RIGI: variants seen among roughly 807,000 people sequenced by gnomAD.
RIGI encodes RNA sensor RIG-I.
chr9:32,480,192 G>A, the RIGI span: 17 of 1,573,768 alleles, frequency 1.1e-5, no homozygotes, highest in Non-Finnish European at 1.5e-5. Flanking sequence ...TGCTACTGTG[G>A]CTTCCTCCTC....
the RIGI span, chr9:32,477,037 G>C: frequency 2.5e-6 from 4 of 1,614,070 alleles, no homozygotes; most frequent in Non-Finnish European, 3.4e-6. Flanking sequence ...CTGGGTTTAA[G>C]TGGTACTCTT....
chr9:32,502,802 A>C, the RIGI span, among the ~76,000 whole-genome samples: 3 of 151,880 alleles, frequency 2.0e-5, no homozygotes, highest in Admixed American at 6.6e-5. Context: ...CATCACTCCA[A>C]TCTCTGCCTA....
the RIGI span, among the ~76,000 whole-genome samples, chr9:32,497,131 G>A: frequency 6.6e-5 from 10 of 152,116 alleles, no homozygotes; most frequent in African/African-American, 9.7e-5. Flanking sequence ...TCTGCAGTTC[G>A]CTTTTGGTAG....
the RIGI span, among the ~76,000 whole-genome samples, chr9:32,462,254 T>A: frequency 2.6e-5 from 4 of 152,162 alleles, no homozygotes; most frequent in Admixed American, 1.3e-4. Context: ...GTGTTCTACA[T>A]GCATGAGCTA....
chr9:32,477,217 T>C, the RIGI span: 2 of 1,492,372 alleles, frequency 1.3e-6, no homozygotes, highest in African/African-American at 2.8e-5. Context: ...TTCAAACAGC[T>C]GATCTCTAAA....
chr9:32,500,931 G>A, the RIGI span: 1 of 1,613,496 alleles, frequency 6.2e-7, no homozygotes, highest in Non-Finnish European at 8.5e-7. Flanking sequence ...TGAATATACT[G>A]CACCTCTTCT....
chr9:32,467,818 T>C, the RIGI span: 5 of 1,612,776 alleles, frequency 3.1e-6, no homozygotes, highest in Admixed American at 1.7e-5. Flanking sequence ...GATGACAAGA[T>C]TGCACTGTGC....
At chr9:32,498,798 T>A in the RIGI span, among the ~76,000 whole-genome samples, 1 of 151,838 alleles carries the variant, frequency 6.6e-6, no homozygotes. Context: ...ACCTGACCAA[T>A]GTGGCAAAAC....
At chr9:32,489,198 A>T in the RIGI span, 1 of 555,526 alleles carries the variant, frequency 1.8e-6, no homozygotes, top group Non-Finnish European at 3.1e-6. Context: ...CCCATAAAAA[A>T]CATTAGGATT....
the RIGI span, among the ~76,000 whole-genome samples, chr9:32,508,239 A>ATTTTTTTTTTT: frequency 3.7e-3 from 262 of 70,336 alleles, 52 homozygotes; most frequent in Non-Finnish European, 4.6e-3. Context: ...TATTTACTTA[A>ATTTTTTTTTTT]TTTTTTTTTT....
At chr9:32,469,837 T>TAA in the RIGI span, among the ~76,000 whole-genome samples, 42 of 151,960 alleles carry the variant, frequency 2.8e-4, no homozygotes, top group Non-Finnish European at 5.3e-4. Context: ...TAAAGACATC[T>TAA]ACGTTTATCT....
At chr9:32,504,429 G>C in the RIGI span, among the ~76,000 whole-genome samples, 4 of 152,034 alleles carry the variant, frequency 2.6e-5, no homozygotes, top group South Asian at 6.3e-4. Flanking sequence ...TGTAATCCCA[G>C]CACTTTGGGA....
At chr9:32,460,025 G>A in the RIGI span, among the ~76,000 whole-genome samples, 10 of 152,302 alleles carry the variant, frequency 6.6e-5, no homozygotes, top group African/African-American at 2.4e-4. Context: ...GAGGGACCCA[G>A]GGGGAGGTAA....
chr9:32,494,459 T>C, the RIGI span, among the ~76,000 whole-genome samples: 1 of 152,182 alleles, frequency 6.6e-6, no homozygotes, highest in African/African-American at 2.4e-5. Context: ...AAAAATCATA[T>C]TTAGAAAGTT....
chr9:32,492,274 C>G, the RIGI span: 1 of 1,113,866 alleles, frequency 9.0e-7, no homozygotes. Flanking sequence ...CTGCTGGTCT[C>G]GCGTTAGAGA....
At chr9:32,458,210 A>AT in the RIGI span, among the ~76,000 whole-genome samples, 4 of 152,194 alleles carry the variant, frequency 2.6e-5, no homozygotes, top group South Asian at 8.3e-4. Flanking sequence ...CTCTTTGGAG[A>AT]TTTTTCTAAC....
chr9:32,466,613 A>C, the RIGI span, among the ~76,000 whole-genome samples: 1 of 140,986 alleles, frequency 7.1e-6, no homozygotes, highest in South Asian at 2.4e-4. Flanking sequence ...GATTGCTTGA[A>C]CCCAGGAGTT....
the RIGI span, among the ~76,000 whole-genome samples, chr9:32,501,131 C>A: frequency 6.6e-6 from 1 of 152,042 alleles, no homozygotes; most frequent in African/African-American, 2.4e-5. Flanking sequence ...CCAAGCCACT[C>A]TTCCCATCCT....
the RIGI span, among the ~76,000 whole-genome samples, chr9:32,499,311 G>GGTTTTTTTTT: frequency 1.2e-5 from 1 of 81,134 alleles, no homozygotes; most frequent in African/African-American, 5.1e-5. Context: ...CAGAGTTTGT[G>GGTTTTTTTTT]ATTTGTTTTT....
Sources: gnomAD v4.1 joint callset for allele counts (sites outside exome capture counted in the v4.1 genomes callset) on GRCh38, gnomAD v4.1.1 for gene constraint, MANE v1.5 for transcripts, NCBI Gene and HGNC (gene_info 2026-07-23, HGNC 2026-07-21) for gene names.